OPCML: variants seen among roughly 807,000 people sequenced by gnomAD.
OPCML encodes opioid-binding protein/cell adhesion molecule.
OPCML carries 13 observed loss-of-function variants against 37.8 expected under a neutral mutation model. That is an observed-to-expected ratio of 0.34 (90% CI 0.22 to 0.55). OPCML has a LOEUF of 0.55. Ranked by LOEUF, OPCML falls within the 20% of genes least tolerant of loss-of-function variation. The probability of loss-of-function intolerance (pLI) is 0.91; values close to 1 mark genes in which losing one functional copy is unlikely to be tolerated. For synonymous variants in OPCML, 176 were observed against 168.8 expected (o/e 1.04, Z -0.33); for missense variants, 341 against 435.6 (o/e 0.78, Z 1.93).
chr11:132,824,208 T>C (rs958491984), intron 2 of OPCML, among the ~76,000 whole-genome samples: 2 of 152,312 alleles, frequency 1.3e-5, no homozygotes, highest in South Asian at 4.2e-4. Flanking sequence ...TAGTCCTCCT[T>C]CTCTGGCTTT....
intron 2 of OPCML, among the ~76,000 whole-genome samples, chr11:132,831,870 G>A (rs1158972030): frequency 1.3e-5 from 2 of 152,062 alleles, no homozygotes; most frequent in Non-Finnish European, 1.5e-5. Context: ...TACAAAATGT[G>A]GTCATTAAAC....
rs2095949548 is a variant in OPCML at position 132,419,385 on chromosome 11, T to C, written c.*808A>G. 1 of 152,238 alleles carries C rather than the reference T, an allele frequency of 6.6e-6. No homozygotes were observed. Among genetic ancestry groups the C allele is most frequent in the African/African-American group, 2.4e-5 (1 of 41,460 alleles). The allele number at this position is 152,238 out of a possible 1,614,324, so 9.4% of individuals were successfully genotyped here. Reference sequence around the variant, plus strand: ...ATGGGTAACTGTACCATTACTTTGATAGATAGCTTGACAAAACCTAAATAA... The same window carrying C: ...ATGGGTAACTGTACCATTACTTTGACAGATAGCTTGACAAAACCTAAATAA... On this transcript the variant is annotated 3_prime_UTR_variant, in exon 8 of 8. Transcript: ENST00000524381.
intron 2 of OPCML, among the ~76,000 whole-genome samples, chr11:132,671,024 T>A (rs1044080349): frequency 6.6e-6 from 1 of 152,196 alleles, no homozygotes; most frequent in Non-Finnish European, 1.5e-5. Context: ...AATGGCCAAC[T>A]AGTAGGCCAG....
intron 1 of OPCML, among the ~76,000 whole-genome samples, chr11:133,200,642 A>C (rs1344749068): frequency 6.6e-6 from 1 of 152,216 alleles, no homozygotes; most frequent in Non-Finnish European, 1.5e-5. Context: ...GATATTTTTA[A>C]AACAAGTTAC....
intron 3 of OPCML, among the ~76,000 whole-genome samples, chr11:132,605,291 C>T (rs935706971): frequency 1.3e-5 from 2 of 152,022 alleles, no homozygotes; most frequent in Admixed American, 6.5e-5. Context: ...GGCACGGTGG[C>T]TCACGCCTGT....
rs544295943 is a variant in OPCML, at chr11:133,000,663, A to G, written c.62-57653T>C. On this transcript the variant is annotated intron_variant, in intron 1 of 7. Coordinates refer to ENST00000524381, the MANE Select transcript of OPCML (RefSeq NM_001012393.5). ...AAGTAATAAGGAAGGCATAGAAACC[A>G]CACTCTCTTTTCATTTAAACAGTAG... Among the ~76,000 whole-genome samples the G allele has an allele frequency of 2.0e-5, 3 of 152,372 alleles. No homozygotes were observed. The South Asian group carries it at 6.2e-4, about 32-fold the overall frequency.
At chr11:133,281,926 A>G (rs1485823154) in intron 1 of OPCML, among the ~76,000 whole-genome samples, 1 of 152,158 alleles carries the variant, frequency 6.6e-6, no homozygotes, top group Non-Finnish European at 1.5e-5. Flanking sequence ...GACAACTCAC[A>G]GTATCTGGCA....
At chr11:133,275,203 T>C (rs1941958414) in intron 1 of OPCML, among the ~76,000 whole-genome samples, 1 of 152,120 alleles carries the variant, frequency 6.6e-6, no homozygotes, top group African/African-American at 2.4e-5. Flanking sequence ...GATCCTTTTT[T>C]TCTCAAAAAA....
intron 1 of OPCML, among the ~76,000 whole-genome samples, chr11:133,102,622 T>C (rs868067838): frequency 3.3e-5 from 5 of 151,916 alleles, no homozygotes; most frequent in Admixed American, 2.0e-4. Flanking sequence ...TGGTGGCAGG[T>C]GCCTGTAGTC....
chr11:132,721,482 G>A lies in OPCML; in HGVS notation c.147-64163C>T, dbSNP rs566934686. ...AGGACAGGTGGCCCAGCAGCAAGGC[G>A]TGCTTTCGGGAAGAGGCAAGGACCT... is the stretch of plus-strand genomic sequence containing the variant. On this transcript the variant is annotated intron_variant, in intron 2 of 7. Transcript: ENST00000524381. Among the ~76,000 whole-genome samples, 41 of 152,312 alleles carry A rather than the reference G, an allele frequency of 2.7e-4. No individual in the cohort carries two copies. The South Asian group carries it at 6.0e-3, about 22-fold the overall frequency.
chr11:132,632,708 T>C (rs1487439761), intron 3 of OPCML, among the ~76,000 whole-genome samples: 1 of 152,154 alleles, frequency 6.6e-6, no homozygotes, highest in African/African-American at 2.4e-5. Flanking sequence ...CTCTTTGGTA[T>C]GTGAGATATG....
At chr11:133,414,703 G>A (rs374269148) in intron 1 of OPCML, among the ~76,000 whole-genome samples, 9 of 152,076 alleles carry the variant, frequency 5.9e-5, no homozygotes, top group African/African-American at 2.2e-4. Flanking sequence ...TAACAGCTTG[G>A]ATTCACAAAT....
rs569516706 is a variant in OPCML at position 133,423,479 on chromosome 11, C to T, written c.61+108785G>A. The T allele has an allele frequency of 2.2e-5, 22 of 985,366 alleles. 1 individual carries two copies. In the South Asian group the frequency reaches 9.9e-4, roughly 44 times the overall value. The allele number at this position is 985,366 out of a possible 1,614,324, so 61.0% of individuals were successfully genotyped here. A position where few individuals can be genotyped will look rare whatever the true frequency, so the allele number is the denominator to read the frequency against. On this transcript the variant is annotated intron_variant, in intron 1 of 7. Coordinates refer to ENST00000524381, the MANE Select transcript of OPCML (RefSeq NM_001012393.5). ...AAATTCTCTGCACTCTGTTAGGCTC[C>T]TGGCAACAAGCAGTCATAGAAGCTC...
At chr11:132,852,911 A>G (rs958837920) in intron 2 of OPCML, among the ~76,000 whole-genome samples, 3 of 152,104 alleles carry the variant, frequency 2.0e-5, no homozygotes, top group African/African-American at 2.4e-5. Context: ...TGTTAAAAAA[A>G]AAAAAAAAGA....
chr11:133,455,730 A>G (rs1440343635), intron 1 of OPCML, among the ~76,000 whole-genome samples: 1 of 152,166 alleles, frequency 6.6e-6, no homozygotes. Context: ...TTGTTTCCCC[A>G]CTGAAACATT....
intron 2 of OPCML, among the ~76,000 whole-genome samples, chr11:132,687,030 A>AT (rs1435444601): frequency 4.9e-3 from 1 of 206 alleles, no homozygotes; most frequent in Non-Finnish European, 9.8e-3. Context: ...CTGAAGTCAC[A>AT]CAATATTGTA....
chr11:133,235,135 G>T (rs981606280), intron 1 of OPCML, among the ~76,000 whole-genome samples: 1 of 151,970 alleles, frequency 6.6e-6, no homozygotes, highest in Non-Finnish European at 1.5e-5. Flanking sequence ...GGGTCACAGA[G>T]AATTCCTTTC....
chr11:133,135,237 G>A (rs1034160762), intron 1 of OPCML, among the ~76,000 whole-genome samples: 3 of 152,108 alleles, frequency 2.0e-5, no homozygotes, highest in Admixed American at 6.5e-5. Flanking sequence ...CAGCTGAAGC[G>A]TTAGTGATCC....
chr11:132,908,247 C>G (rs941421173), intron 2 of OPCML, among the ~76,000 whole-genome samples: 1 of 149,324 alleles, frequency 6.7e-6, no homozygotes, highest in Admixed American at 6.6e-5. Flanking sequence ...AAGTGAAAGA[C>G]ATTAGTCCCC....
Sources: allele counts gnomAD v4.1 joint callset (sites outside exome capture counted in the v4.1 genomes callset), GRCh38; gene constraint gnomAD v4.1.1; transcripts MANE v1.5; gene names NCBI Gene and HGNC (gene_info 2026-07-23, HGNC 2026-07-21).